Variants in CCDC30 observed in about 807,000 individuals in gnomAD.
CCDC30 encodes the protein coiled-coil domain-containing protein 30.
CCDC30 carries 70 observed loss-of-function variants against 100.2 expected under a neutral mutation model. The ratio of observed to expected loss-of-function variants is 0.70; its 90% CI spans 0.58 to 0.85. The LOEUF (loss-of-function observed/expected upper bound fraction) is 0.85. Ranked by LOEUF, CCDC30 falls within the 40% of genes least tolerant of loss-of-function variation. The probability of loss-of-function intolerance (pLI) is 0.00; values close to 1 mark genes in which losing one functional copy is unlikely to be tolerated. For missense variants in CCDC30, 652 were observed against 771.2 expected, an observed-to-expected ratio of 0.85 and a Z score of 1.83; for synonymous variants, 233 against 269.5, an observed-to-expected ratio of 0.86 and a Z score of 1.33.
chr1:42,559,371 C>A (rs1312326290), intron 6 of CCDC30, among the ~76,000 whole-genome samples: 1 of 152,002 alleles, frequency 6.6e-6, no homozygotes, highest in Non-Finnish European at 1.5e-5. Flanking sequence ...GAGTCAAGAC[C>A]CATTGGTGTG....
intron 9 of CCDC30, among the ~76,000 whole-genome samples, chr1:42,584,005 G>A (rs983856489): frequency 6.6e-6 from 1 of 152,208 alleles, no homozygotes; most frequent in African/African-American, 2.4e-5. Flanking sequence ...AAAGGTGAAG[G>A]AGGATTCAAG....
intron 10 of CCDC30, among the ~76,000 whole-genome samples, chr1:42,597,369 A>T (rs1174739859): frequency 1.3e-5 from 2 of 152,206 alleles, no homozygotes; most frequent in Non-Finnish European, 2.9e-5. Context: ...TAGGCATAAA[A>T]TTTTCAAATG....
intron 11 of CCDC30, among the ~76,000 whole-genome samples, chr1:42,624,667 T>C (rs1195321220): frequency 6.6e-6 from 1 of 152,124 alleles, no homozygotes; most frequent in Non-Finnish European, 1.5e-5. Context: ...TTTGTAGAGA[T>C]GGAGTCTTGC....
intron 6 of CCDC30, among the ~76,000 whole-genome samples, chr1:42,502,605 C>T (rs554102785): frequency 6.6e-6 from 1 of 152,264 alleles, no homozygotes; most frequent in Non-Finnish European, 1.5e-5. Flanking sequence ...CATCTTGGAA[C>T]CTCCCTCGTG....
At chr1:42,478,680 G>T (rs1404098755) in intron 1 of CCDC30, among the ~76,000 whole-genome samples, 2 of 152,148 alleles carry the variant, frequency 1.3e-5, no homozygotes, top group African/African-American at 4.8e-5. Context: ...GATCACCTGA[G>T]CCTGGGAGGT....
chr1:42,500,721 G>A (rs1321719690), intron 6 of CCDC30, among the ~76,000 whole-genome samples: 1 of 152,052 alleles, frequency 6.6e-6, no homozygotes, highest in African/African-American at 2.4e-5. Flanking sequence ...CCTCTGGCTT[G>A]TATTCTTTCT....
chr1:42,533,120 C>G (rs1644833200), intron 6 of CCDC30, among the ~76,000 whole-genome samples: 1 of 152,132 alleles, frequency 6.6e-6, no homozygotes, highest in Admixed American at 6.5e-5. Context: ...TGGGGTTGGA[C>G]TGTATAATTT....
At chr1:42,635,669 C>T (rs1647138586) in intron 11 of CCDC30, among the ~76,000 whole-genome samples, 3 of 151,824 alleles carry the variant, frequency 2.0e-5, no homozygotes, top group Non-Finnish European at 4.4e-5. Context: ...ATTAGCCAGG[C>T]GTGGTGGTGG....
At position 42,646,248 on chromosome 1, in the gene CCDC30, T is replaced by C. The variant is rs769322130; in HGVS notation, c.1785T>C (p.Asn595=). ...GCACTGAGGTCTTCACCAGCAACAA[T>C]GCAGAACTCCAGCATGAGGATGAGT... The change falls in exon 15 of 17, where the codon AAT becomes AAC. Residue 595 remains asparagine (N), a synonymous_variant. Coordinates refer to ENST00000668663, the Ensembl canonical transcript of CCDC30. 1.9e-6 allele frequency: 3 copies of C among 1,553,086 alleles called. 1 individual carries two copies. Among genetic ancestry groups the C allele is most frequent in the Admixed American group, 3.9e-5 (2 of 50,982 alleles).
At chr1:42,470,112 G>A (rs1281336521) in intron 1 of CCDC30, among the ~76,000 whole-genome samples, 1 of 152,176 alleles carries the variant, frequency 6.6e-6, no homozygotes, top group Non-Finnish European at 1.5e-5. Context: ...AACTGGGGAT[G>A]TTGGTGAAGG....
chr1:42,607,128 G>A (rs1324345869), intron 10 of CCDC30, among the ~76,000 whole-genome samples: 1 of 152,110 alleles, frequency 6.6e-6, no homozygotes, highest in East Asian at 1.9e-4. Flanking sequence ...TTTAAAGCTA[G>A]CAAAGTAGCA....
At chr1:42,500,539 G>A (rs1019186985) in intron 6 of CCDC30, among the ~76,000 whole-genome samples, 1 of 151,608 alleles carries the variant, frequency 6.6e-6, no homozygotes, top group Non-Finnish European at 1.5e-5. Flanking sequence ...TCAGCTTCCC[G>A]AGTAGCTGGG....
At chr1:42,628,665 G>T (rs1438546080) in intron 11 of CCDC30, among the ~76,000 whole-genome samples, 1 of 152,114 alleles carries the variant, frequency 6.6e-6, no homozygotes, top group East Asian at 1.9e-4. Context: ...ATCAGAGGTT[G>T]CTGCTTTTGC....
At chr1:42,521,910 T>G (rs1179749053) in intron 6 of CCDC30, among the ~76,000 whole-genome samples, 1 of 152,048 alleles carries the variant, frequency 6.6e-6, no homozygotes, top group Non-Finnish European at 1.5e-5. Context: ...GCATGAAATG[T>G]CTTTTTTTAT....
exon 17 of CCDC30, chr1:42,653,847 T>G (rs1263468243): frequency 5.0e-6 from 8 of 1,613,948 alleles, no homozygotes; most frequent in Non-Finnish European, 6.8e-6. Context: ...GTAGAGTCAT[T>G]TGCAAGTCTT....
chr1:42,523,087 C>T (rs1283443831), intron 6 of CCDC30, among the ~76,000 whole-genome samples: 1 of 152,170 alleles, frequency 6.6e-6, no homozygotes, highest in Non-Finnish European at 1.5e-5. Context: ...ACCTCAGCCT[C>T]CCAAAGTGCT....
rs754491642 is a variant in CCDC30, at chr1:42,566,464, GAAAAC to G, written c.627_631del (p.Glu209AspfsTer2). On this transcript the variant is annotated frameshift_variant, in exon 7 of 17. Coordinates refer to ENST00000668663, the Ensembl canonical transcript of CCDC30. LOFTEE classifies it high-confidence loss of function. ...GCAACATAATAGCTTACTTCAGGAA[GAAAAC>G]ATTAAGGTAACTCTTGTGGGCAAAT... The G allele has an allele frequency of 1.9e-6, 3 of 1,613,252 alleles. No homozygotes were observed. The African/African-American group carries it at 4.0e-5, about 22-fold the overall frequency.
chr1:42,544,491 G>A (rs1465158902), intron 6 of CCDC30, among the ~76,000 whole-genome samples: 1 of 152,100 alleles, frequency 6.6e-6, no homozygotes, highest in Non-Finnish European at 1.5e-5. Flanking sequence ...ATATAAGATT[G>A]CATTTTCTTT....
chr1:42,539,733 T>A (rs1193319308), intron 6 of CCDC30, among the ~76,000 whole-genome samples: 1 of 152,162 alleles, frequency 6.6e-6, no homozygotes, highest in Non-Finnish European at 1.5e-5. Context: ...ACACTGAAAA[T>A]TGGGCTTAGA....
Sources: gnomAD v4.1 joint callset for allele counts (sites outside exome capture counted in the v4.1 genomes callset) on GRCh38, gnomAD v4.1.1 for gene constraint, MANE v1.5 for transcripts, NCBI Gene and HGNC (gene_info 2026-07-23, HGNC 2026-07-21) for gene names.